PTPRE: variants seen among roughly 807,000 people sequenced by gnomAD.
The protein encoded by PTPRE is protein tyrosine phosphatase receptor type E, also known as receptor-type tyrosine-protein phosphatase epsilon.
PTPRE carries 51 observed loss-of-function variants against 102.0 expected under a neutral mutation model. The ratio of observed to expected loss-of-function variants is 0.50; its 90% confidence interval spans 0.40 to 0.63. PTPRE has a LOEUF of 0.63. PTPRE is among the 30% of genes least tolerant of loss of function. The pLI, the probability that PTPRE is intolerant of heterozygous loss-of-function variation, is 0.00. For missense variants in PTPRE, 752 were observed against 915.1 expected (o/e 0.82, Z 2.30); for synonymous variants, 345 against 348.2 (o/e 0.99, Z 0.10).
chr10:128,058,883 T>C (rs1849249648), intron 7 of PTPRE, among the ~76,000 whole-genome samples: 1 of 152,196 alleles, frequency 6.6e-6, no homozygotes, highest in South Asian at 2.1e-4. Context: ...TCCTTGGCTC[T>C]GGGCAGGCAT....
chr10:128,069,025 A>C (rs986387639), intron 12 of PTPRE: 1 of 152,398 alleles, frequency 6.6e-6, no homozygotes, highest in Non-Finnish European at 1.5e-5. Flanking sequence ...CAGCACTGCC[A>C]GGGACAAAAG....
At chr10:128,018,607 C>G (rs750743603) in intron 2 of PTPRE, among the ~76,000 whole-genome samples, 1 of 152,190 alleles carries the variant, frequency 6.6e-6, no homozygotes, top group African/African-American at 2.4e-5. Context: ...GAGAGAAACT[C>G]GGAGGGAGGA....
intron 16 of PTPRE, 166 bp downstream of exon 16, chr10:128,072,380 C>A: frequency 1.6e-6 from 1 of 619,994 alleles, no homozygotes; most frequent in Non-Finnish European, 2.8e-6. Context: ...TGGCAAGGCA[C>A]GATGGCTCAC....
At chr10:127,952,576 C>T (rs1181408220) in intron 1 of PTPRE, among the ~76,000 whole-genome samples, 1 of 152,126 alleles carries the variant, frequency 6.6e-6, no homozygotes, top group African/African-American at 2.4e-5. Flanking sequence ...ATAAAAATCA[C>T]CTACAGCCCC....
chr10:127,969,364 C>G (rs541725381), intron 1 of PTPRE, among the ~76,000 whole-genome samples: 1 of 152,066 alleles, frequency 6.6e-6, no homozygotes, highest in Non-Finnish European at 1.5e-5. Context: ...TTTGCAGGGT[C>G]GTCATGAGGA....
intron 1 of PTPRE, among the ~76,000 whole-genome samples, chr10:127,931,402 G>A (rs920050633): frequency 1.3e-5 from 2 of 152,210 alleles, no homozygotes; most frequent in Admixed American, 6.5e-5. Context: ...AAGACACACT[G>A]ACTTTAAAAT....
At chr10:128,067,459 T>C (rs372362078) in intron 11 of PTPRE, among the ~76,000 whole-genome samples, 1 of 148,400 alleles carries the variant, frequency 6.7e-6, no homozygotes, top group East Asian at 2.0e-4. Context: ...CACACATGCA[T>C]ACATGTGCAC....
chr10:128,028,659 C>T lies in PTPRE; in HGVS notation c.-7-12216C>T, dbSNP rs972824286. ...CCCCCTCAGGCACAGCTGAGCAGCC[C>T]GCCGGGGCCCAGGGTTCCTTGGTCT... On this transcript the variant is annotated intron_variant, in intron 2 of 20. Coordinates refer to ENST00000254667, the MANE Select transcript of PTPRE (RefSeq NM_006504.6). This position sits in a 1 kb window ranked among gnomAD's most constrained non-coding sequence, Gnocchi z 4.5. Among the ~76,000 whole-genome samples, 14 of 152,240 alleles carry T rather than the reference C, an allele frequency of 9.2e-5. 1 individual carries two copies. Among genetic ancestry groups the T allele is most frequent in the African/African-American group, 2.9e-4 (12 of 41,568 alleles).
intron 1 of PTPRE, among the ~76,000 whole-genome samples, chr10:127,928,362 C>G (rs1476760036): frequency 6.6e-6 from 1 of 152,190 alleles, no homozygotes; most frequent in African/African-American, 2.4e-5. Flanking sequence ...TATCAACAGG[C>G]CTGTGTTTGT....
chr10:127,966,582 G>A (rs56042331), intron 1 of PTPRE, among the ~76,000 whole-genome samples: 10,773 of 152,196 alleles, frequency 0.071, 535 homozygotes, highest in Non-Finnish European at 0.097. Context: ...TGCTGGGATG[G>A]GGGATTTTAG....
chr10:128,020,953 A>G (rs1397191808), intron 2 of PTPRE, among the ~76,000 whole-genome samples: 2 of 149,768 alleles, frequency 1.3e-5, no homozygotes, highest in African/African-American at 5.0e-5. Context: ...GCTGGAGTGC[A>G]GTGGCGCAAT....
At chr10:127,993,412 A>C (rs1436813976) in intron 2 of PTPRE, among the ~76,000 whole-genome samples, 1 of 152,196 alleles carries the variant, frequency 6.6e-6, no homozygotes, top group African/African-American at 2.4e-5. Context: ...GCAGAGGGAC[A>C]GAAAACAGTT....
At chr10:127,922,790 G>A (rs972372669) in intron 1 of PTPRE, among the ~76,000 whole-genome samples, 1 of 152,186 alleles carries the variant, frequency 6.6e-6, no homozygotes, top group Non-Finnish European at 1.5e-5. Context: ...GGCTTCTGTC[G>A]GGCCATTTCT....
intron 1 of PTPRE, among the ~76,000 whole-genome samples, chr10:127,920,837 C>G (rs1225719109): frequency 6.6e-6 from 1 of 152,240 alleles, no homozygotes; most frequent in African/African-American, 2.4e-5. Context: ...AAGGCCCTGG[C>G]TCTCTCTCAT....
Position 127,951,792 on chromosome 10 carries a change from G to T in PTPRE, c.-30-30482G>T, listed in dbSNP as rs564662115. ...TGCAGAGATTAGTGCCACCATCAAG[G>T]ACTTGAAAGATGCAGGAATGGTGAT... is the stretch of plus-strand genomic sequence containing the variant. On this transcript the variant is annotated intron_variant, in intron 1 of 20. Transcript: ENST00000254667. 3.3e-5 allele frequency among the ~76,000 whole-genome samples: 5 copies of T among 152,282 alleles called. No individual in the cohort carries two copies. In the East Asian group the frequency reaches 9.6e-4, roughly 29 times the overall value.
intron 1 of PTPRE, among the ~76,000 whole-genome samples, chr10:127,971,811 A>T (rs1340436550): frequency 6.6e-6 from 1 of 152,206 alleles, no homozygotes; most frequent in African/African-American, 2.4e-5. Flanking sequence ...GGCCGGTCAG[A>T]TGTTCCTGCT....
rs549822559 is a variant in PTPRE at position 128,074,745 on chromosome 10, C to T, written c.1599+1274C>T. Among the ~76,000 whole-genome samples the T allele has an allele frequency of 9.9e-5, 15 of 152,118 alleles. 1 individual carries two copies. Among genetic ancestry groups the T allele is most frequent in the East Asian group, 9.6e-4 (5 of 5,184 alleles). Reference sequence around the variant, plus strand: ...TGCTTTTTCACTTCCCTTGGGTATACGCCTAGGAGTGTATATACTAGGAGC... The same window carrying T: ...TGCTTTTTCACTTCCCTTGGGTATATGCCTAGGAGTGTATATACTAGGAGC... On this transcript the variant is annotated intron_variant, in intron 17 of 20. Transcript: ENST00000254667.
intron 1 of PTPRE, among the ~76,000 whole-genome samples, chr10:127,961,018 C>A (rs1237955202): frequency 1.4e-4 from 19 of 140,364 alleles, no homozygotes; most frequent in South Asian, 2.3e-4. Flanking sequence ...CAGACTCTGT[C>A]AAAAAAAAAA....
At position 128,070,468 on chromosome 10, in the gene PTPRE, T is replaced by A. The variant is rs773023931; in HGVS notation, c.1293+18T>A. 6.2e-7 allele frequency: 1 copy of A among 1,608,014 alleles called. No individual in the cohort carries two copies. The highest frequency in any genetic ancestry group is 2.2e-5 in the East Asian group (1 of 44,848). On this transcript the variant is annotated intron_variant, in intron 14 of 20. Transcript: ENST00000254667. The surrounding 1 kb of genome is among the most constrained non-coding windows in gnomAD (Gnocchi z 4.8). ...AGTTCAGGGTGAGTACAGCTGACCC[T>A]CCTCTCCATCCTGGTGTAAGCAGCC...
Sources: allele counts gnomAD v4.1 joint callset (sites outside exome capture counted in the v4.1 genomes callset), GRCh38; gene constraint gnomAD v4.1.1; non-coding constraint Gnocchi (gnomAD v3.1); transcripts MANE v1.5; gene names NCBI Gene and HGNC (gene_info 2026-07-23, HGNC 2026-07-21).